The following TPRG1 variants were observed in gnomAD, a reference collection of about 807,000 sequenced individuals.
The protein encoded by TPRG1 is tumor protein p63 regulated 1.
A neutral mutation model predicts 29.3 loss-of-function variants in TPRG1; 29 were observed. The ratio of observed to expected loss-of-function variants is 0.99; its 90% CI spans 0.74 to 1.35. The LOEUF is 1.35. Ranked by LOEUF, TPRG1 falls within the 40% of genes most tolerant of loss-of-function variation. The pLI is 0.00. For missense variants in TPRG1, 327 were observed against 335.0 expected, an observed-to-expected ratio of 0.98 and a Z score of 0.19; for synonymous variants, 130 against 116.8, an observed-to-expected ratio of 1.11 and a Z score of -0.73.
intron 3 of TPRG1, among the ~76,000 whole-genome samples, chr3:189,229,609 G>A (rs2108898867): frequency 6.6e-6 from 1 of 152,300 alleles, no homozygotes; most frequent in South Asian, 2.1e-4. Context: ...GAAGTAAAGA[G>A]GAATGAATAT....
chr3:189,036,922 G>T (rs4687015), intron 4 of TPRG1, among the ~76,000 whole-genome samples: 1,912 of 150,634 alleles, frequency 0.013, 66 homozygotes, highest in Admixed American at 0.084. Flanking sequence ...AATTTGAAAG[G>T]TCTAAAAATC....
intron 4 of TPRG1, among the ~76,000 whole-genome samples, chr3:189,064,933 A>T (rs28879420): frequency 0.02 from 3,036 of 152,292 alleles, 111 homozygotes; most frequent in African/African-American, 0.069. Flanking sequence ...TCACACCTGT[A>T]ATCCCAGTGC....
intron 3 of TPRG1, among the ~76,000 whole-genome samples, chr3:189,135,955 A>C (rs929799680): frequency 6.6e-6 from 1 of 152,174 alleles, no homozygotes; most frequent in African/African-American, 2.4e-5. Flanking sequence ...GTCCCAGTAC[A>C]TTGGCATAAC....
chr3:189,230,738 C>T (rs1014584406), intron 3 of TPRG1, among the ~76,000 whole-genome samples: 2 of 152,158 alleles, frequency 1.3e-5, no homozygotes, highest in Non-Finnish European at 2.9e-5. Context: ...CATTATACCA[C>T]TAGTGCCTGG....
At chr3:189,210,125 G>C (rs1225319028) in intron 2 of TPRG1, among the ~76,000 whole-genome samples, 1 of 152,146 alleles carries the variant, frequency 6.6e-6, no homozygotes, top group East Asian at 1.9e-4. Context: ...GTGTGTGTCT[G>C]TGTGTGTTGG....
intron 4 of TPRG1, among the ~76,000 whole-genome samples, chr3:189,071,032 G>T (rs1716781463): frequency 6.7e-6 from 1 of 148,806 alleles, no homozygotes; most frequent in Non-Finnish European, 1.5e-5. Context: ...CCCAGGAATT[G>T]CCTGGAAGCA....
intron 5 of TPRG1, among the ~76,000 whole-genome samples, chr3:189,153,106 C>T (rs146283377): frequency 1.0e-3 from 157 of 152,298 alleles, no homozygotes; most frequent in African/African-American, 3.4e-3. Flanking sequence ...CAGTGTACAA[C>T]GTAAGTGGAG....
At chr3:189,145,594 T>A (rs1270693522) in intron 3 of TPRG1, among the ~76,000 whole-genome samples, 1 of 152,058 alleles carries the variant, frequency 6.6e-6, no homozygotes, top group East Asian at 1.9e-4. Context: ...GTGATTCAGA[T>A]CAGATGAGAA....
chr3:189,002,125 T>C (rs7633437), intron 2 of TPRG1, among the ~76,000 whole-genome samples: 10,856 of 152,256 alleles, frequency 0.071, 767 homozygotes, highest in African/African-American at 0.18. Context: ...TAGTGGGTTC[T>C]GGTTATGAAG....
At chr3:189,182,537 A>G (rs970696697) in intron 1 of TPRG1, among the ~76,000 whole-genome samples, 2 of 152,186 alleles carry the variant, frequency 1.3e-5, no homozygotes, top group Admixed American at 1.3e-4. Context: ...CATTAGATAT[A>G]CCATTAGGTT....
chr3:189,280,595 C>G (rs1403679951), intron 4 of TPRG1, among the ~76,000 whole-genome samples: 1 of 152,028 alleles, frequency 6.6e-6, no homozygotes, highest in Admixed American at 6.6e-5. Context: ...CCAATGGAAA[C>G]CTATGCACAT....
At chr3:189,255,646 C>T (rs1252064472) in intron 4 of TPRG1, among the ~76,000 whole-genome samples, 1 of 152,200 alleles carries the variant, frequency 6.6e-6, no homozygotes, top group African/African-American at 2.4e-5. Context: ...GTGAAGCCAT[C>T]TGGTCCTGGG....
intron 4 of TPRG1, among the ~76,000 whole-genome samples, chr3:189,029,999 A>T (rs1442645283): frequency 6.6e-6 from 1 of 152,126 alleles, no homozygotes; most frequent in East Asian, 1.9e-4. Context: ...TTTCTTTACA[A>T]ATTACTCAGC....
chr3:189,272,740 C>CTTCCTTCCTTCCTTCCTTCG (rs1715438386), intron 4 of TPRG1, among the ~76,000 whole-genome samples: 1 of 139,976 alleles, frequency 7.1e-6, no homozygotes, highest in Non-Finnish European at 1.5e-5. Flanking sequence ...TCCTTCCTTC[C>CTTCCTTCCTTCCTTCCTTCG]TTCCTTCCTT....
At chr3:189,008,522 GC>G (rs1033290566) in intron 3 of TPRG1, among the ~76,000 whole-genome samples, 7 of 152,146 alleles carry the variant, frequency 4.6e-5, no homozygotes, top group Non-Finnish European at 8.8e-5. Context: ...GTAGTTCACA[GC>G]CCAAGAATTA....
intron 4 of TPRG1, among the ~76,000 whole-genome samples, chr3:189,024,697 T>A (rs1486303972): frequency 6.6e-6 from 1 of 152,114 alleles, no homozygotes; most frequent in African/African-American, 2.4e-5. Flanking sequence ...CAGGGAGAGA[T>A]CAGATTTCTG....
chr3:189,138,981 C>A (rs1724153276), intron 3 of TPRG1, among the ~76,000 whole-genome samples: 1 of 152,110 alleles, frequency 6.6e-6, no homozygotes, highest in Non-Finnish European at 1.5e-5. Context: ...GAAAAAAAAT[C>A]TGCTCCAGCC....
At chr3:189,309,688 C>G (rs996352766) in intron 4 of TPRG1, among the ~76,000 whole-genome samples, 1 of 152,180 alleles carries the variant, frequency 6.6e-6, no homozygotes, top group African/African-American at 2.4e-5. Flanking sequence ...TTCTCTTGCT[C>G]TGCACTTAGG....
In TPRG1 at chr3:189,310,458, A is replaced by G. The variant is rs770121683; in HGVS notation, c.552A>G (p.Pro184=). ...EEQSLLSRWN[P]WSTEVPYATF... is the part of the protein sequence containing the mutation. ...AGTCTCTTCTGTCCCGCTGGAACCCATGGTCCACTGAAGTTCCTTATGCTA... is the reference window on the plus strand; with the variant it reads ...AGTCTCTTCTGTCCCGCTGGAACCCGTGGTCCACTGAAGTTCCTTATGCTA... The change falls in exon 5 of 6, where the codon CCA becomes CCG. Residue 184 remains proline, a synonymous_variant. Transcript: ENST00000345063. The G allele has an allele frequency of 5.0e-6, 8 of 1,612,464 alleles. No homozygotes were observed. Among genetic ancestry groups the G allele is most frequent in the Middle Eastern group, 1.7e-4 (1 of 5,878 alleles).
Sources: allele counts gnomAD v4.1 joint callset (sites outside exome capture counted in the v4.1 genomes callset), GRCh38; gene constraint gnomAD v4.1.1; transcripts MANE v1.5; gene names NCBI Gene and HGNC (gene_info 2026-07-23, HGNC 2026-07-21).